The following STX11 variants were observed in gnomAD, a reference collection of about 807,000 sequenced individuals.
STX11 encodes syntaxin 11, also known as syntaxin-11.
In STX11, 21 loss-of-function variants were observed where a neutral mutation model predicts 19.9. The ratio of observed to expected loss-of-function variants is 1.06; its 90% CI spans 0.75 to 1.52. The LOEUF (loss-of-function observed/expected upper bound fraction) is 1.52, where lower values mean the gene tolerates loss of function less well. Among genes scored for constraint, STX11 ranks in the 40% most tolerant of loss-of-function variants. The probability of loss-of-function intolerance (pLI) is 0.00; values close to 1 mark genes in which losing one functional copy is unlikely to be tolerated. For missense variants in STX11, 438 were observed against 405.9 expected (o/e 1.08, Z -0.68); for synonymous variants, 193 against 174.4 (o/e 1.11, Z -0.84).
rs114677766 is a variant in STX11 at position 144,184,618 on chromosome 6, G to T, written c.-5-2005G>T. ...ATTGGTTAAGTGGTGCTATTCTAAC[G>T]CCTGAGTGTTCACTTACTGATGACC... On this transcript the variant is annotated intron_variant, in intron 1 of 1. Transcript: ENST00000367568. This position sits in a 1 kb window ranked among gnomAD's most constrained non-coding sequence, Gnocchi z 6.5. Among the ~76,000 whole-genome samples, 10 of 152,032 alleles carry T rather than the reference G, an allele frequency of 6.6e-5. No individual in the cohort carries two copies. The highest frequency in any genetic ancestry group is 2.4e-4 in the African/African-American group (10 of 41,400).
chr6:144,150,180 C>T (rs1734712121), upstream of STX11, among the ~76,000 whole-genome samples: 1 of 152,380 alleles, frequency 6.6e-6, no homozygotes, highest in Non-Finnish European at 1.5e-5. Context: ...ACGCACCGGA[C>T]TGCAAATGTC....
At position 144,187,340 on chromosome 6, in the gene STX11, A is replaced by G; in HGVS notation, c.713A>G (p.Gln238Arg). 1 of 1,610,654 alleles carries G rather than the reference A, an allele frequency of 6.2e-7. No individual in the cohort carries two copies. Among genetic ancestry groups the G allele is most frequent in the South Asian group, 1.1e-5 (1 of 91,084 alleles). ...CAGATGGCGGTGCTGGTGGAGAAGC[A>G]GGCCGACACCCTGAACGTCATCGAG... ...FLQMAVLVEKQADTLNVIELN... is the reference protein window; with the variant it reads ...FLQMAVLVEKRADTLNVIELN... Residue 238 changes from glutamine (Q) to arginine (R), a missense_variant, in exon 2 of 2, where the codon CAG becomes CGG. By Grantham distance (43) the Gln-to-Arg change is conservative. Coordinates refer to ENST00000367568, the MANE Select transcript of STX11 (RefSeq NM_003764.4). The surrounding 1 kb of genome is among the most constrained non-coding windows in gnomAD (Gnocchi z 5.6).
In STX11 at chr6:144,152,998, A is replaced by T. The variant is rs906935982; in HGVS notation, c.-6+2295A>T. On this transcript the variant is annotated intron_variant, in intron 1 of 1. Coordinates refer to ENST00000367568, the MANE Select transcript of STX11 (RefSeq NM_003764.4). This position sits in a 1 kb window ranked among gnomAD's most constrained non-coding sequence, Gnocchi z 4.9. Reference sequence around the variant, plus strand: ...TTATGATCATTGTTTTTGTAGTTCAAATCAATGTTTTTTATCACATTATAG... The same window carrying T: ...TTATGATCATTGTTTTTGTAGTTCATATCAATGTTTTTTATCACATTATAG... Among the ~76,000 whole-genome samples, 4 of 152,216 alleles carry T rather than the reference A, an allele frequency of 2.6e-5. No homozygotes were observed. Among genetic ancestry groups the T allele is most frequent in the African/African-American group, 9.6e-5 (4 of 41,458 alleles).
chr6:144,187,523 A>G lies in STX11; in HGVS notation c.*32A>G. 1 of 1,611,568 alleles carries G rather than the reference A, an allele frequency of 6.2e-7. No individual in the cohort carries two copies. Among genetic ancestry groups the G allele is most frequent in the East Asian group, 2.2e-5 (1 of 44,860 alleles). On this transcript the variant is annotated 3_prime_UTR_variant, in exon 2 of 2. Transcript: ENST00000367568. The surrounding 1 kb of genome is among the most constrained non-coding windows in gnomAD (Gnocchi z 5.6). Reference sequence around the variant, plus strand: ...GGCCCGGGCCGCCACCGCCCATCCCAGACCATGGAGCGCGCTGGGAAGGAC... The same window carrying G: ...GGCCCGGGCCGCCACCGCCCATCCCGGACCATGGAGCGCGCTGGGAAGGAC...
In STX11 at chr6:144,175,811, C is replaced by T. The variant is rs563313509; in HGVS notation, c.-5-10812C>T. Among the ~76,000 whole-genome samples the T allele has an allele frequency of 3.0e-4, 46 of 152,214 alleles. No homozygotes were observed. The highest frequency in any genetic ancestry group is 1.4e-3 in the East Asian group (7 of 5,184). On this transcript the variant is annotated intron_variant, in intron 1 of 1. Transcript: ENST00000367568. The surrounding 1 kb of genome is among the most constrained non-coding windows in gnomAD (Gnocchi z 5.1). The stretch of plus-strand genomic sequence containing the variant: ...TCCTTACCCACCTGACTTCCACACC[C>T]GTGGAGAAATAAGAAAGGAAAAGCA...
At position 144,165,995 on chromosome 6, in the gene STX11, C is replaced by T. The variant is rs536301983; in HGVS notation, c.-6+15292C>T. Among the ~76,000 whole-genome samples the T allele has an allele frequency of 3.3e-5, 5 of 152,320 alleles. No homozygotes were observed. The East Asian group carries it at 9.6e-4, about 29-fold the overall frequency. ...GCTTACCAGGCCAAGTACCCTTTCT[C>T]CTACATGGCATTTGCTTTTCAAATG... On this transcript the variant is annotated intron_variant, in intron 1 of 1. Transcript: ENST00000367568. This position sits in a 1 kb window ranked among gnomAD's most constrained non-coding sequence, Gnocchi z 5.8.
Position 144,151,292 on chromosome 6 carries a change from A to G in STX11, c.-6+589A>G, listed in dbSNP as rs1225794892. The G allele has an allele frequency of 1.3e-5, 13 of 985,226 alleles. No homozygotes were observed. The highest frequency in any genetic ancestry group is 1.6e-5 in the Non-Finnish European group (13 of 829,916). The allele number at this position is 985,226 out of a possible 1,614,324, so 61.0% of individuals were successfully genotyped here. ...GAGAGCCACGCCGTCCTGAGAGGGA[A>G]TTCTGCCTTTTTCTAGACTCCGCTG... On this transcript the variant is annotated intron_variant, in intron 1 of 1. Coordinates refer to ENST00000367568, the MANE Select transcript of STX11 (RefSeq NM_003764.4). The surrounding 1 kb of genome is among the most constrained non-coding windows in gnomAD (Gnocchi z 4.6).
At chr6:144,140,251 T>A in the STX11 span, among the ~76,000 whole-genome samples, 1 of 42,924 alleles carries the variant, frequency 2.3e-5, no homozygotes, top group Non-Finnish European at 4.1e-5. Flanking sequence ...TATATATATA[T>A]ATATTTATTT....
chr6:144,186,852 C>A lies in STX11; in HGVS notation c.225C>A (p.Ser75=). The A allele has an allele frequency of 6.2e-7, 1 of 1,613,232 alleles. No individual in the cohort carries two copies. The highest frequency in any genetic ancestry group is 2.2e-5 in the East Asian group (1 of 44,882). ...LGKQNARFLT[S]MRRLSSIKRD... is the part of the protein sequence containing the mutation. The stretch of plus-strand genomic sequence containing the variant: ...AGCAGAACGCCCGCTTCCTCACGTC[C>A]ATGCGGCGCCTCAGCAGCATCAAGC... The change falls in exon 2 of 2, where the codon TCC becomes TCA. Residue 75 remains serine (S), a synonymous_variant. Transcript: ENST00000367568.
chr6:144,159,203 G>A lies in STX11; in HGVS notation c.-6+8500G>A, dbSNP rs1040231059. On this transcript the variant is annotated intron_variant, in intron 1 of 1. Transcript: ENST00000367568. The surrounding 1 kb of genome is among the most constrained non-coding windows in gnomAD (Gnocchi z 4.3). ...ATTTATCGAGGCTTTCCTATATGCCGGGTGCTCTGGAGTAAATGGTGCAGA... is the reference window on the plus strand; with the variant it reads ...ATTTATCGAGGCTTTCCTATATGCCAGGTGCTCTGGAGTAAATGGTGCAGA... 1.3e-5 allele frequency among the ~76,000 whole-genome samples: 2 copies of A among 152,238 alleles called. No individual in the cohort carries two copies. Among genetic ancestry groups the A allele is most frequent in the South Asian group, 2.1e-4 (1 of 4,822 alleles).
chr6:144,152,498 A>G lies in STX11; in HGVS notation c.-6+1795A>G, dbSNP rs1322110051. On this transcript the variant is annotated intron_variant, in intron 1 of 1. Transcript: ENST00000367568. The surrounding 1 kb of genome is among the most constrained non-coding windows in gnomAD (Gnocchi z 4.9). ...AAAGGTATGGTTTTTAAAGTGCTTG[A>G]ATGAACCATGTTTCATGTTATTTAA... is the stretch of plus-strand genomic sequence containing the variant. Among the ~76,000 whole-genome samples, 3 of 152,214 alleles carry G rather than the reference A, an allele frequency of 2.0e-5. No homozygotes were observed. Among genetic ancestry groups the G allele is most frequent in the African/African-American group, 7.2e-5 (3 of 41,458 alleles).
rs1304002356 is a variant in STX11, at chr6:144,184,692, G to A, written c.-5-1931G>A. Among the ~76,000 whole-genome samples the A allele has an allele frequency of 6.6e-6, 1 of 152,080 alleles. No individual in the cohort carries two copies. The highest frequency in any genetic ancestry group is 2.4e-5 in the African/African-American group (1 of 41,404). On this transcript the variant is annotated intron_variant, in intron 1 of 1. Coordinates refer to ENST00000367568, the MANE Select transcript of STX11 (RefSeq NM_003764.4). This position sits in a 1 kb window ranked among gnomAD's most constrained non-coding sequence, Gnocchi z 6.5. ...TATGCTCACACCAACTCTGATAATG[G>A]CAGTACCTACTCATAGAATCTGTAT...
chr6:144,156,019 T>C (rs936180886), intron 1 of STX11, among the ~76,000 whole-genome samples: 2,924 of 116,506 alleles, frequency 0.025, 334 homozygotes, highest in African/African-American at 0.13. Flanking sequence ...TCTTTCTCTC[T>C]TTCTCTCCTT....
At chr6:144,156,066 C>T (rs1311300522) in intron 1 of STX11, among the ~76,000 whole-genome samples, 1 of 137,400 alleles carries the variant, frequency 7.3e-6, no homozygotes, top group African/African-American at 2.8e-5. Flanking sequence ...CCCTCCCCTC[C>T]CCTCCCCTCC....
chr6:144,150,368 C>A (rs927327843), upstream of STX11: 1 of 446,394 alleles, frequency 2.2e-6, no homozygotes, highest in Non-Finnish European at 3.0e-6. Context: ...CGGCTCCGGG[C>A]GGTCCCGAGC....
Position 144,150,660 on chromosome 6 carries a change from C to T in STX11, c.-49C>T, listed in dbSNP as rs962169392. 1.4e-5 allele frequency: 14 copies of T among 985,334 alleles called. No individual in the cohort carries two copies. The East Asian group carries it at 3.4e-4, about 24-fold the overall frequency. The allele number at this position is 985,334 out of a possible 1,614,324, so 61.0% of individuals were successfully genotyped here. ...GCGCCCACAGGGGACGCGCGCCCTG[C>T]CGGGAGAGGGGCTTCTCGGTTCGCA... On this transcript the variant is annotated 5_prime_UTR_variant, in exon 1 of 2. Transcript: ENST00000367568.
At position 144,154,750 on chromosome 6, in the gene STX11, G is replaced by T. The variant is rs1224296014; in HGVS notation, c.-6+4047G>T. 6.6e-6 allele frequency among the ~76,000 whole-genome samples: 1 copy of T among 152,144 alleles called. No homozygotes were observed. Among genetic ancestry groups the T allele is most frequent in the African/African-American group, 2.4e-5 (1 of 41,430 alleles). On this transcript the variant is annotated intron_variant, in intron 1 of 1. Coordinates refer to ENST00000367568, the MANE Select transcript of STX11 (RefSeq NM_003764.4). This position sits in a 1 kb window ranked among gnomAD's most constrained non-coding sequence, Gnocchi z 4.7. ...TTGTTCTAGTTTTACCCTGAAGCAG[G>T]CGCCTTACCTGCCTCTAACTTCCAG... is the stretch of plus-strand genomic sequence containing the variant.
In STX11 at chr6:144,184,624, G is replaced by A. The variant is rs1584057091; in HGVS notation, c.-5-1999G>A. On this transcript the variant is annotated intron_variant, in intron 1 of 1. Transcript: ENST00000367568. The surrounding 1 kb of genome is among the most constrained non-coding windows in gnomAD (Gnocchi z 6.5). ...TAAGTGGTGCTATTCTAACGCCTGA[G>A]TGTTCACTTACTGATGACCTTGAGT... 1.3e-5 allele frequency among the ~76,000 whole-genome samples: 2 copies of A among 152,176 alleles called. No homozygotes were observed. Among genetic ancestry groups the A allele is most frequent in the East Asian group, 3.8e-4 (2 of 5,200 alleles).
In STX11 at chr6:144,190,838, C is replaced by T. The variant is rs1036474111; in HGVS notation, c.*3347C>T. 4.6e-5 allele frequency among the ~76,000 whole-genome samples: 7 copies of T among 152,180 alleles called. No homozygotes were observed. The highest frequency in any genetic ancestry group is 4.4e-5 in the Non-Finnish European group (3 of 68,034). The stretch of plus-strand genomic sequence containing the variant: ...AGAGAAGGCATCATTTGGCCCACTG[C>T]ACGTCCTGGCCTATTCACCAAAGCC... On this transcript the variant is annotated 3_prime_UTR_variant, in exon 2 of 2. Coordinates refer to ENST00000367568, the MANE Select transcript of STX11 (RefSeq NM_003764.4).
Sources: allele counts gnomAD v4.1 joint callset (sites outside exome capture counted in the v4.1 genomes callset), GRCh38; gene constraint gnomAD v4.1.1; non-coding constraint Gnocchi (gnomAD v3.1); transcripts MANE v1.5; gene names NCBI Gene and HGNC (gene_info 2026-07-23, HGNC 2026-07-21).